Variants in WNT10B observed in about 807,000 individuals in gnomAD.
The protein encoded by WNT10B is Wnt family member 10B.
Under a neutral mutation model 32.7 loss-of-function variants are expected in WNT10B, and 26 were observed. The observed-to-expected ratio is 0.79, with a 90% confidence interval of 0.58 to 1.10. The LOEUF (loss-of-function observed/expected upper bound fraction) is 1.10. Among genes scored for constraint, WNT10B ranks in the 50% least tolerant of loss-of-function variants. The pLI is 0.00. For missense variants in WNT10B, 474 were observed against 532.5 expected (o/e 0.89, Z 1.08); for synonymous variants, 204 against 220.4 (o/e 0.93, Z 0.66).
At position 48,970,551 on chromosome 12, in the gene WNT10B, T is replaced by G; in HGVS notation, c.-22A>C. The G allele has an allele frequency of 6.4e-7, 1 of 1,563,858 alleles. No individual in the cohort carries two copies. The highest frequency in any genetic ancestry group is 1.3e-5 in the African/African-American group (1 of 74,306). Reference sequence around the variant, plus strand: ...GCATGTCGAAGCCCGGAGGCTCCGGTGGGCAGATCGATCAGGACCTGCGGG... The same window carrying G: ...GCATGTCGAAGCCCGGAGGCTCCGGGGGGCAGATCGATCAGGACCTGCGGG... On this transcript the variant is annotated 5_prime_UTR_variant, in exon 2 of 5. Transcript: ENST00000301061. The surrounding 1 kb of genome is among the most constrained non-coding windows in gnomAD (Gnocchi z 5.0).
Position 48,966,679 on chromosome 12 carries a change from A to T in WNT10B, c.712-126T>A, listed in dbSNP as rs540986800. 5.5e-6 allele frequency: 6 copies of T among 1,091,884 alleles called. No individual in the cohort carries two copies. The Admixed American group carries it at 5.9e-5, about 11-fold the overall frequency. 67.6% of individuals were successfully genotyped at this position (1,091,884 alleles called of 1,614,324 possible). ...AATGGAGGCAAGAATAACATGGTAT[A>T]TCAGAACAGAAAGGACATTGCAGTT... is the stretch of plus-strand genomic sequence containing the variant. On this transcript the variant is annotated intron_variant, in intron 4 of 4. Coordinates refer to ENST00000301061, the MANE Select transcript of WNT10B (RefSeq NM_003394.4).
Position 48,970,373 on chromosome 12 carries a change from G to A in WNT10B, c.75-22C>T, listed in dbSNP as rs1940831266. The A allele has an allele frequency of 1.2e-6, 2 of 1,613,972 alleles. No homozygotes were observed. The highest frequency in any genetic ancestry group is 1.7e-6 in the Non-Finnish European group (2 of 1,179,980). ...AGCCCTGGGAACCAAGAAGGCGTCT[G>A]GGGTCTGCGGTCCAGACCCCTCCAA... On this transcript the variant is annotated intron_variant, in intron 2 of 4. Coordinates refer to ENST00000301061, the MANE Select transcript of WNT10B (RefSeq NM_003394.4). This position sits in a 1 kb window ranked among gnomAD's most constrained non-coding sequence, Gnocchi z 5.0.
Position 48,970,912 on chromosome 12 carries a change from C to G in WNT10B, c.-40-343G>C. The G allele has an allele frequency of 3.0e-6, 1 of 334,136 alleles. No homozygotes were observed. The highest frequency in any genetic ancestry group is 5.7e-6 in the Non-Finnish European group (1 of 176,782). The allele number at this position is 334,136 out of a possible 1,614,324, so 20.7% of individuals were successfully genotyped here. A position where few individuals can be genotyped will look rare whatever the true frequency, so the allele number is the denominator to read the frequency against. On this transcript the variant is annotated intron_variant, in intron 1 of 4. Transcript: ENST00000301061. This position sits in a 1 kb window ranked among gnomAD's most constrained non-coding sequence, Gnocchi z 5.0. ...TTGCTCCACAACCTCGCCTACTGCT[C>G]CCTTTTCCAGGGCCCCACGACTAGC...
intron 4 of WNT10B, among the ~76,000 whole-genome samples, chr12:48,966,925 T>C (rs541198937): frequency 6.6e-6 from 1 of 152,338 alleles, no homozygotes; most frequent in East Asian, 1.9e-4. Flanking sequence ...TAAGAGCTAC[T>C]ATGCAGTCAG....
Position 48,965,802 on chromosome 12 carries a change from G to A in WNT10B, c.*293C>T. On this transcript the variant is annotated 3_prime_UTR_variant, in exon 5 of 5. Transcript: ENST00000301061. ...AGGAGTATGAATCAGGGTTAAAGGG[G>A]CTCTGGAGTTGAGAAGTGGGAGGAG... The A allele has an allele frequency of 2.2e-6, 1 of 449,570 alleles. No homozygotes were observed. Among genetic ancestry groups the A allele is most frequent in the South Asian group, 2.6e-5 (1 of 38,572 alleles). 27.8% of individuals were successfully genotyped at this position (449,570 alleles called of 1,614,324 possible). A position where few individuals can be genotyped will look rare whatever the true frequency, so the allele number is the denominator to read the frequency against.
Position 48,970,115 on chromosome 12 carries a change from G to A in WNT10B, c.311C>T (p.Pro104Leu). The A allele has an allele frequency of 6.5e-7, 1 of 1,527,548 alleles. No individual in the cohort carries two copies. Among genetic ancestry groups the A allele is most frequent in the Non-Finnish European group, 8.8e-7 (1 of 1,140,986 alleles). 94.6% of individuals were successfully genotyped at this position (1,527,548 alleles called of 1,614,324 possible). Residue 104 changes from proline to leucine, a missense_variant, in exon 3 of 5, where the codon CCG (proline) becomes CTG (leucine). By Grantham distance (98) the Pro-to-Leu change is moderately conservative. Coordinates refer to ENST00000301061, the MANE Select transcript of WNT10B (RefSeq NM_003394.4). This position sits in a 1 kb window ranked among gnomAD's most constrained non-coding sequence, Gnocchi z 5.0. ...CSALEGGGRL[P>L]HHSAILKRGF... ...GCGCTTGAGGATGGCGCTGTGGTGC[G>A]GCAGGCGGCCGCCGCCCTCAAGCGC... is the stretch of plus-strand genomic sequence containing the variant.
At chr12:48,966,983 G>GT (rs1256747244) in intron 4 of WNT10B, among the ~76,000 whole-genome samples, 1 of 152,110 alleles carries the variant, frequency 6.6e-6, no homozygotes, top group South Asian at 2.1e-4. Context: ...AGCTCAGTCT[G>GT]TTTTTTTGTT....
chr12:48,967,851 C>T, intron 4 of WNT10B, 95 bp downstream of exon 4: 2 of 1,523,082 alleles, frequency 1.3e-6, no homozygotes, highest in Non-Finnish European at 1.8e-6. Context: ...GTGTCAGTCA[C>T]TCATCACACT....
chr12:48,965,761 G>C lies in WNT10B; in HGVS notation c.*334C>G, dbSNP rs1461547313. On this transcript the variant is annotated 3_prime_UTR_variant, in exon 5 of 5. Coordinates refer to ENST00000301061, the MANE Select transcript of WNT10B (RefSeq NM_003394.4). The stretch of plus-strand genomic sequence containing the variant: ...AGGGAGAGGAGTGGTGAAACTATAG[G>C]GACTCCCCAGCCAAAAGGAGTATGA... The C allele has an allele frequency of 3.0e-6, 1 of 337,498 alleles. No homozygotes were observed. Among genetic ancestry groups the C allele is most frequent in the Non-Finnish European group, 5.6e-6 (1 of 177,490 alleles). The allele number at this position is 337,498 out of a possible 1,614,324, so 20.9% of individuals were successfully genotyped here.
chr12:48,970,372 T>TG lies in WNT10B; in HGVS notation c.75-22dup. On this transcript the variant is annotated intron_variant, in intron 2 of 4. Transcript: ENST00000301061. The surrounding 1 kb of genome is among the most constrained non-coding windows in gnomAD (Gnocchi z 5.0). The stretch of plus-strand genomic sequence containing the variant: ...GAGCCCTGGGAACCAAGAAGGCGTC[T>TG]GGGGTCTGCGGTCCAGACCCCTCCA... 1 of 1,614,114 alleles carries TG rather than the reference T, an allele frequency of 6.2e-7. No homozygotes were observed. Among genetic ancestry groups the TG allele is most frequent in the Non-Finnish European group, 8.5e-7 (1 of 1,179,978 alleles).
intron 4 of WNT10B, 95 bp from the exon 5 acceptor site, chr12:48,966,648 G>A (rs1320554108): frequency 8.2e-5 from 116 of 1,407,368 alleles, no homozygotes; most frequent in Non-Finnish European, 1.1e-4. Context: ...AACACAGGGA[G>A]GGACAAATGG....
At chr12:48,966,860 A>C (rs529660834) in intron 4 of WNT10B, among the ~76,000 whole-genome samples, 1 of 152,182 alleles carries the variant, frequency 6.6e-6, no homozygotes, top group Non-Finnish European at 1.5e-5. Context: ...AGCACTTATA[A>C]AATTGGGAGT....
intron 3 of WNT10B, among the ~76,000 whole-genome samples, chr12:48,969,482 C>A (rs950177205): frequency 1.3e-5 from 2 of 152,160 alleles, no homozygotes; most frequent in African/African-American, 4.8e-5. Context: ...CCAGACCAGG[C>A]CAGCAGTGAC....
intron 3 of WNT10B, among the ~76,000 whole-genome samples, chr12:48,969,514 G>A (rs1425527798): frequency 1.3e-5 from 2 of 152,072 alleles, no homozygotes; most frequent in Non-Finnish European, 2.9e-5. Flanking sequence ...CTCTCCAGCC[G>A]TTCTTCACCT....
chr12:48,965,881 G>C lies in WNT10B; in HGVS notation c.*214C>G, dbSNP rs929794951. On this transcript the variant is annotated 3_prime_UTR_variant, in exon 5 of 5. Transcript: ENST00000301061. The stretch of plus-strand genomic sequence containing the variant: ...TCAGGTGTCTAAGGAGCAGAAGAGG[G>C]GTGGCAGCTTCCCCTCAAGACCCTC... The C allele has an allele frequency of 2.3e-5, 14 of 604,644 alleles. No homozygotes were observed. In the Middle Eastern group the frequency reaches 1.8e-3, roughly 76 times the overall value. The allele number at this position is 604,644 out of a possible 1,614,324, so 37.5% of individuals were successfully genotyped here. A position where few individuals can be genotyped will look rare whatever the true frequency, so the allele number is the denominator to read the frequency against.
chr12:48,969,248 C>T (rs1940801744), intron 3 of WNT10B: 1 of 418,576 alleles, frequency 2.4e-6, no homozygotes, highest in South Asian at 1.8e-5. Context: ...CCTCTGCTAC[C>T]CCAGGATCTA....
chr12:48,966,506 T>C lies in WNT10B; in HGVS notation c.759A>G (p.Ser253=). 2 of 1,613,928 alleles carry C rather than the reference T, an allele frequency of 1.2e-6. No individual in the cohort carries two copies. The highest frequency in any genetic ancestry group is 1.7e-6 in the Non-Finnish European group (2 of 1,180,024). Residue 253 remains serine, a synonymous_variant, in exon 5 of 5, where the codon TCA becomes TCG. Coordinates refer to ENST00000301061, the MANE Select transcript of WNT10B (RefSeq NM_003394.4). Reference sequence around the variant, plus strand: ...AGCATGTCTTGAACTGGCAGCTGCCTGATGTGCCATGACACTTGCATTTCC... The same window carrying C: ...AGCATGTCTTGAACTGGCAGCTGCCCGATGTGCCATGACACTTGCATTTCC... The part of the protein sequence containing the change: ...LKRKCKCHGT[S]GSCQFKTCWR...
rs1172022362 is a variant in WNT10B, at chr12:48,968,127, A to G, written c.530T>C (p.Leu177Pro). ...GCTTGAGCCAGGGCCAGGGCTGGGCAGAGAGTGGGGGAAACTCTTGCCTCG... is the reference window on the plus strand; with the variant it reads ...GCTTGAGCCAGGGCCAGGGCTGGGCGGAGAGTGGGGGAAACTCTTGCCTCG... ...LSRGKSFPHS[L>P]PSPGPGSSPS... The change falls in exon 4 of 5, where the codon CTG (leucine) becomes CCG (proline). Residue 177 changes from leucine to proline, a missense_variant. By Grantham distance (98) the Leu-to-Pro change is moderately conservative. Coordinates refer to ENST00000301061, the MANE Select transcript of WNT10B (RefSeq NM_003394.4). 1 of 1,614,248 alleles carries G rather than the reference A, an allele frequency of 6.2e-7. No individual in the cohort carries two copies. Among genetic ancestry groups the G allele is most frequent in the Non-Finnish European group, 8.5e-7 (1 of 1,180,030 alleles).
At chr12:48,966,696 A>C in intron 4 of WNT10B, 143 bp from the exon 5 acceptor site, 1 of 964,020 alleles carries the variant, frequency 1.0e-6, no homozygotes, top group South Asian at 1.4e-5. Context: ...CAGAAAGGAC[A>C]TTGCAGTTAG....
Sources: allele counts gnomAD v4.1 joint callset (sites outside exome capture counted in the v4.1 genomes callset), GRCh38; gene constraint gnomAD v4.1.1; non-coding constraint Gnocchi (gnomAD v3.1); transcripts MANE v1.5; gene names NCBI Gene and HGNC (gene_info 2026-07-23, HGNC 2026-07-21).